The following MED14 variants were observed in gnomAD, a reference collection of about 807,000 sequenced individuals.
The protein encoded by MED14 is mediator complex subunit 14, also known as mediator of RNA polymerase II transcription subunit 14.
MED14 carries 8 observed loss-of-function variants against 109.0 expected under a neutral mutation model. That is an observed-to-expected ratio of 0.07 (90% CI 0.04 to 0.13). The LOEUF (loss-of-function observed/expected upper bound fraction) is 0.13. Among genes scored for constraint, MED14 ranks in the 10% least tolerant of loss-of-function variants. The probability of loss-of-function intolerance (pLI) is 1.00; values close to 1 mark genes in which losing one functional copy is unlikely to be tolerated. For synonymous variants in MED14, 399 were observed against 408.7 expected (o/e 0.98, Z 0.29); for missense variants, 711 against 1,142.4 (o/e 0.62, Z 5.44).
chrX:40,698,275 C>T (rs1218620859), intron 12 of MED14, among the ~76,000 whole-genome samples: 1 of 111,971 alleles, frequency 8.9e-6, no homozygotes, highest in Non-Finnish European at 1.9e-5. Flanking sequence ...ATCAATCCAA[C>T]GTGGACAAGT....
chrX:40,681,864 G>A lies in MED14; in HGVS notation c.2445C>T (p.Thr815=). 1 of 1,115,463 alleles carries A rather than the reference G, an allele frequency of 9.0e-7. No homozygotes were observed. Among genetic ancestry groups the A allele is most frequent in the Non-Finnish European group, 1.2e-6 (1 of 832,433 alleles). The allele number at this position is 1,115,463 out of a possible 1,213,427, so 91.9% of individuals were successfully genotyped here. A position where few individuals can be genotyped will look rare whatever the true frequency, so the allele number is the denominator to read the frequency against. Reference sequence around the variant, plus strand: ...TAATCAGACTTACTGAGCTTCCCTTGGTGGTTCCATAACACAAGATAAGTT... The same window carrying A: ...TAATCAGACTTACTGAGCTTCCCTTAGTGGTTCCATAACACAAGATAAGTT... ...YRKLILCYGT[T]KGSSISIQWN... is the part of the protein sequence containing the mutation. The change falls in exon 19 of 31, where the codon ACC becomes ACT. Residue 815 remains threonine (T), a synonymous_variant. Transcript: ENST00000324817.
intron 29 of MED14, 27 bp from the exon 30 acceptor site, chrX:40,654,583 G>A: frequency 1.7e-6 from 2 of 1,170,327 alleles, no homozygotes; most frequent in East Asian, 3.0e-5. Flanking sequence ...CACACAAAGA[G>A]AATAAAAACA....
chrX:40,671,635 C>A (rs1238771448), intron 23 of MED14, among the ~76,000 whole-genome samples: 1 of 111,981 alleles, frequency 8.9e-6, no homozygotes, highest in African/African-American at 3.2e-5. Flanking sequence ...TGCTGTGAGT[C>A]TGGCTCTGGG....
intron 23 of MED14, among the ~76,000 whole-genome samples, chrX:40,669,958 C>T (rs1466662233): frequency 8.9e-6 from 1 of 112,117 alleles, no homozygotes; most frequent in Admixed American, 9.5e-5. Flanking sequence ...TTGTAACACT[C>T]ATCATACTTG....
Position 40,651,708 on chromosome X carries a change from T to A in MED14, c.*98A>T, listed in dbSNP as rs906801066. 18 of 1,069,934 alleles carry A rather than the reference T, an allele frequency of 1.7e-5. No individual in the cohort carries two copies. Among genetic ancestry groups the A allele is most frequent in the Non-Finnish European group, 2.2e-5 (18 of 827,173 alleles). 88.2% of individuals were successfully genotyped at this position (1,069,934 alleles called of 1,213,427 possible). ...TTTAGAATATTTAGCTCTTAAAGTT[T>A]AAAAAAAAAGTCCTTTTCCTTTTTT... On this transcript the variant is annotated 3_prime_UTR_variant, in exon 31 of 31. Transcript: ENST00000324817.
At chrX:40,704,009 C>T (rs1931045922) in intron 10 of MED14, among the ~76,000 whole-genome samples, 1 of 112,033 alleles carries the variant, frequency 8.9e-6, no homozygotes, top group East Asian at 2.8e-4. Flanking sequence ...ATTTTCAATG[C>T]CATTCCTCAT....
chrX:40,712,699 C>T (rs6520682), intron 6 of MED14, among the ~76,000 whole-genome samples: 39,646 of 109,172 alleles, frequency 0.36, 7,772 homozygotes, highest in African/African-American at 0.76. Flanking sequence ...CCACCACGCC[C>T]GGCTAATTTT....
Position 40,663,432 on chromosome X carries a change from T to G in MED14, c.3449-272A>C, listed in dbSNP as rs868623316. ...TCCACCTGAAACCTGGCTGGCCTAG[T>G]ATTTGCTTCTGACCAACAGAATGTG... is the stretch of plus-strand genomic sequence containing the variant. On this transcript the variant is annotated intron_variant, in intron 25 of 30. Coordinates refer to ENST00000324817, the MANE Select transcript of MED14 (RefSeq NM_004229.4). Among the ~76,000 whole-genome samples the G allele has an allele frequency of 2.7e-5, 3 of 111,067 alleles. No individual in the cohort carries two copies. In the East Asian group the frequency reaches 8.4e-4, roughly 31 times the overall value.
intron 21 of MED14, among the ~76,000 whole-genome samples, chrX:40,679,023 A>T (rs899135321): frequency 5.4e-5 from 6 of 111,419 alleles, no homozygotes; most frequent in African/African-American, 9.8e-5. Context: ...GTTGCAGGAG[A>T]CTATTTTTCA....
chrX:40,659,212 A>C lies in MED14; in HGVS notation c.3972+15T>G. The C allele has an allele frequency of 9.0e-7, 1 of 1,107,490 alleles. No individual in the cohort carries two copies. The highest frequency in any genetic ancestry group is 1.8e-5 in the African/African-American group (1 of 54,870). The allele number at this position is 1,107,490 out of a possible 1,213,427, so 91.3% of individuals were successfully genotyped here. A position where few individuals can be genotyped will look rare whatever the true frequency, so the allele number is the denominator to read the frequency against. ...CAAACAAACCTTGCTAGAAATGTAT[A>C]TCTCTGTGACTTACCAGCTCCAGCT... On this transcript the variant is annotated intron_variant, in intron 28 of 30. Coordinates refer to ENST00000324817, the MANE Select transcript of MED14 (RefSeq NM_004229.4).
chrX:40,655,625 C>A (rs1929028345), intron 28 of MED14, among the ~76,000 whole-genome samples: 1 of 112,337 alleles, frequency 8.9e-6, no homozygotes, highest in Non-Finnish European at 1.9e-5. Flanking sequence ...TTTGCCTAAA[C>A]AAACTAGTCA....
chrX:40,675,268 T>C lies in MED14; in HGVS notation c.2974A>G (p.Met992Val). 1.7e-6 allele frequency: 2 copies of C among 1,194,882 alleles called. No homozygotes were observed. The highest frequency in any genetic ancestry group is 2.3e-6 in the Non-Finnish European group (2 of 887,664). Residue 992 changes from methionine (M) to valine (V), a missense_variant, in exon 22 of 31, where the codon ATG (methionine) becomes GTG (valine). By Grantham distance (21) the Met-to-Val change is conservative. Coordinates refer to ENST00000324817, the MANE Select transcript of MED14 (RefSeq NM_004229.4). Reference protein sequence around the residue: ...DNPPSPIGGDMMDSLISQLQP... With the variant: ...DNPPSPIGGDVMDSLISQLQP... ...AGCTGCGATATTAAAGAATCCATCA[T>C]ATCTCCTCCTATAGGAGAAGGGGGA...
intron 16 of MED14, among the ~76,000 whole-genome samples, chrX:40,686,162 GA>G (rs1190845222): frequency 9.0e-6 from 1 of 110,995 alleles, no homozygotes; most frequent in Non-Finnish European, 1.9e-5. Flanking sequence ...TTAAAATAAA[GA>G]AAACAAAAGC....
In MED14 at chrX:40,666,715, C is replaced by T; in HGVS notation, c.3265+5G>A. ...TGCTATATCGATTTCCATGTATGGA[C>T]TCACCATGTGGACTAGCAAAACTGG... On this transcript the variant is annotated splice_donor_5th_base_variant and intron_variant, in intron 24 of 30. Coordinates refer to ENST00000324817, the MANE Select transcript of MED14 (RefSeq NM_004229.4). 4 of 1,208,854 alleles carry T rather than the reference C, an allele frequency of 3.3e-6. No individual in the cohort carries two copies. Among genetic ancestry groups the T allele is most frequent in the Non-Finnish European group, 4.5e-6 (4 of 893,726 alleles).
chrX:40,650,680 G>T lies in MED14; in HGVS notation c.*1126C>A, dbSNP rs770368115. ...TCCATTTGACCCTGGACAGGCCCAG[G>T]ATTCGGGATTCTTCACAATGAGGGG... On this transcript the variant is annotated 3_prime_UTR_variant, in exon 31 of 31. Coordinates refer to ENST00000324817, the MANE Select transcript of MED14 (RefSeq NM_004229.4). The T allele has an allele frequency of 1.3e-5, 10 of 754,211 alleles. No individual in the cohort carries two copies. The highest frequency in any genetic ancestry group is 1.6e-5 in the Non-Finnish European group (10 of 639,358). The allele number at this position is 754,211 out of a possible 1,213,427, so 62.2% of individuals were successfully genotyped here. A position where few individuals can be genotyped will look rare whatever the true frequency, so the allele number is the denominator to read the frequency against.
At chrX:40,654,876 T>C in intron 29 of MED14, 59 bp downstream of exon 29, 1 of 1,169,387 alleles carries the variant, frequency 8.6e-7, no homozygotes. Flanking sequence ...GTTGCTCTAT[T>C]ATCATGTGGC....
At chrX:40,702,272 T>G (rs1417543871) in intron 11 of MED14, among the ~76,000 whole-genome samples, 1 of 112,261 alleles carries the variant, frequency 8.9e-6, no homozygotes, top group African/African-American at 3.2e-5. Flanking sequence ...TTTTCTAATT[T>G]TTGTGTGTTT....
intron 22 of MED14, among the ~76,000 whole-genome samples, chrX:40,674,579 C>G (rs1483797486): frequency 8.9e-6 from 1 of 111,901 alleles, no homozygotes; most frequent in Non-Finnish European, 1.9e-5. Flanking sequence ...AAAAATGAAG[C>G]CCCTGAAGAC....
intron 13 of MED14, among the ~76,000 whole-genome samples, chrX:40,695,156 AG>A (rs1390747978): frequency 8.9e-6 from 1 of 111,776 alleles, no homozygotes; most frequent in African/African-American, 3.2e-5. Context: ...TACTAGTTGG[AG>A]GGGGCTGATT....
Sources: gnomAD v4.1 joint callset for allele counts (sites outside exome capture counted in the v4.1 genomes callset) on GRCh38, gnomAD v4.1.1 for gene constraint, MANE v1.5 for transcripts, NCBI Gene and HGNC (gene_info 2026-07-23, HGNC 2026-07-21) for gene names.